Variants in MOB3A observed in about 807,000 individuals in gnomAD.
MOB3A encodes MOB kinase activator 3A.
Under a neutral mutation model 17.8 loss-of-function variants are expected in MOB3A, and 17 were observed. That is an observed-to-expected ratio of 0.95 (90% CI 0.65 to 1.43). The LOEUF is 1.43. Ranked by LOEUF, MOB3A falls within the 40% of genes most tolerant of loss-of-function variation. The pLI, the probability that MOB3A is intolerant of heterozygous loss-of-function variation, is 0.00. For missense variants in MOB3A, 333 were observed against 310.8 expected (o/e 1.07, Z -0.54); for synonymous variants, 124 against 133.2 (o/e 0.93, Z 0.48).
chr19:2,090,640 C>T (rs2017603120), intron 1 of MOB3A, among the ~76,000 whole-genome samples: 2 of 152,130 alleles, frequency 1.3e-5, no homozygotes, highest in Non-Finnish European at 2.9e-5. Context: ...TGAAATACGA[C>T]ATTAAACATA....
chr19:2,075,994 G>A (rs1467701854), intron 4 of MOB3A, among the ~76,000 whole-genome samples: 3 of 151,952 alleles, frequency 2.0e-5, no homozygotes, highest in Admixed American at 6.6e-5. Context: ...GTGGTGGCAC[G>A]TGCCTGTAAT....
chr19:2,078,279 GC>G lies in MOB3A; in HGVS notation c.281del (p.Gly94AlafsTer29). On this transcript the variant is annotated frameshift_variant, in exon 3 of 5. Transcript: ENST00000357066. LOFTEE classifies it high-confidence loss of function. ...CCTGCCAGCGGTACTCATACTTGGG[GC>G]CCCCCGACATGACGGGGCAGGACTG... is the stretch of plus-strand genomic sequence containing the variant. ...TEQSCPVMSG[G>X]PKYEYRWQDE... The G allele has an allele frequency of 3.1e-6, 5 of 1,614,090 alleles. No individual in the cohort carries two copies. Among genetic ancestry groups the G allele is most frequent in the Non-Finnish European group, 4.2e-6 (5 of 1,179,990 alleles).
chr19:2,088,448 C>T (rs959390954), intron 1 of MOB3A, among the ~76,000 whole-genome samples: 9 of 152,060 alleles, frequency 5.9e-5, no homozygotes, highest in Non-Finnish European at 1.0e-4. Context: ...GGACTCCTGG[C>T]GTGCGTCCAG....
At chr19:2,076,745 G>A (rs1377610420) in intron 4 of MOB3A, 66 bp downstream of exon 4, 5 of 1,535,306 alleles carry the variant, frequency 3.3e-6, no homozygotes, top group African/African-American at 2.7e-5. Flanking sequence ...GGCCCCGGAA[G>A]GGTTCCTCTG....
Position 2,082,913 on chromosome 19 carries a change from A to T in MOB3A, c.-120+2262T>A. On this transcript the variant is annotated intron_variant, in intron 2 of 4. Coordinates refer to ENST00000357066, the MANE Select transcript of MOB3A (RefSeq NM_130807.3). This position sits in a 1 kb window ranked among gnomAD's most constrained non-coding sequence, Gnocchi z 4.1. ...ACTTCAGCCTCGACCTCCTAGCTCA[A>T]GGGATCCTCCTGCCTCAGCCTCCTG... Among the ~76,000 whole-genome samples the T allele has an allele frequency of 6.6e-6, 1 of 152,178 alleles. No homozygotes were observed. Among genetic ancestry groups the T allele is most frequent in the East Asian group, 1.9e-4 (1 of 5,200 alleles).
intron 2 of MOB3A, among the ~76,000 whole-genome samples, chr19:2,083,092 C>G (rs181289827): frequency 6.6e-6 from 1 of 152,232 alleles, no homozygotes; most frequent in East Asian, 1.9e-4. Flanking sequence ...AGCGATCCAT[C>G]CGCCTTAGCC....
intron 1 of MOB3A, among the ~76,000 whole-genome samples, chr19:2,088,896 C>G (rs1453793673): frequency 6.6e-6 from 1 of 152,212 alleles, no homozygotes; most frequent in Non-Finnish European, 1.5e-5. Context: ...AGCCACGGAG[C>G]CTGGCTCTGT....
rs1052215638 is a variant in MOB3A at position 2,078,466 on chromosome 19, T to G, written c.95A>C (p.His32Pro). The G allele has an allele frequency of 6.2e-7, 1 of 1,612,586 alleles. No homozygotes were observed. Reference protein sequence around the residue: ...FEPGTQRFELHKKAQASLNAG... With the variant: ...FEPGTQRFELPKKAQASLNAG... The stretch of plus-strand genomic sequence containing the variant: ...GTTCAGCGACGCCTGCGCCTTCTTG[T>G]GCAGCTCGAAGCGCTGGGTGCCTGG... Residue 32 changes from histidine to proline, a missense_variant, in exon 3 of 5, where the codon CAC (histidine) becomes CCC (proline). Physicochemically the swap from His to Pro is moderately conservative, Grantham distance 77. Coordinates refer to ENST00000357066, the MANE Select transcript of MOB3A (RefSeq NM_130807.3).
In MOB3A at chr19:2,078,695, G is replaced by A. The variant is rs570999531; in HGVS notation, c.-119-16C>T. On this transcript the variant is annotated splice_polypyrimidine_tract_variant and intron_variant, in intron 2 of 4. Transcript: ENST00000357066. ...TCCCGCGGACCTGAAATACACAGGG[G>A]AATCATGACCTGCTGGAGGCGACAG... is the stretch of plus-strand genomic sequence containing the variant. 28 of 839,514 alleles carry A rather than the reference G, an allele frequency of 3.3e-5. No homozygotes were observed. The African/African-American group carries it at 3.9e-4, about 12-fold the overall frequency. 52.0% of individuals were successfully genotyped at this position (839,514 alleles called of 1,614,324 possible). A position where few individuals can be genotyped will look rare whatever the true frequency, so the allele number is the denominator to read the frequency against.
At position 2,083,015 on chromosome 19, in the gene MOB3A, T is replaced by G. The variant is rs556920604; in HGVS notation, c.-120+2160A>C. On this transcript the variant is annotated intron_variant, in intron 2 of 4. Transcript: ENST00000357066. ...CCACCAGTTAATTTTTTGTTGTTGTTGTTGTATTTTTTGTAGAGACGGGAG... is the reference window on the plus strand; with the variant it reads ...CCACCAGTTAATTTTTTGTTGTTGTGGTTGTATTTTTTGTAGAGACGGGAG... 5.9e-3 allele frequency among the ~76,000 whole-genome samples: 900 copies of G among 152,232 alleles called. 8 individuals carry two copies. Among genetic ancestry groups the G allele is most frequent in the African/African-American group, 0.021 (864 of 41,516 alleles).
intron 2 of MOB3A, among the ~76,000 whole-genome samples, chr19:2,083,741 G>A (rs991743650): frequency 4.6e-5 from 7 of 152,198 alleles, no homozygotes; most frequent in African/African-American, 1.7e-4. Flanking sequence ...CCACAGCCTG[G>A]TGCTGCCGTT....
intron 1 of MOB3A, among the ~76,000 whole-genome samples, chr19:2,090,804 C>T (rs2017605319): frequency 6.6e-6 from 1 of 152,112 alleles, no homozygotes; most frequent in Admixed American, 6.5e-5. Flanking sequence ...GCTGGGATTA[C>T]AGCTGCCTGC....
At chr19:2,078,035 C>T (rs1236744785) in intron 3 of MOB3A, 105 bp downstream of exon 3, 8 of 1,194,648 alleles carry the variant, frequency 6.7e-6, no homozygotes, top group East Asian at 5.3e-5. Context: ...TCCCTGGGCT[C>T]GGCCTCCCAA....
chr19:2,089,690 G>A (rs1412612324), intron 1 of MOB3A, among the ~76,000 whole-genome samples: 1 of 152,160 alleles, frequency 6.6e-6, no homozygotes, highest in Admixed American at 6.5e-5. Flanking sequence ...AGAATCCCAG[G>A]AGCTGAGGTC....
chr19:2,083,213 CCT>C (rs2017511766), intron 2 of MOB3A, among the ~76,000 whole-genome samples: 1 of 152,186 alleles, frequency 6.6e-6, no homozygotes, highest in African/African-American at 2.4e-5. Flanking sequence ...CTGGGAAGCC[CCT>C]GATTCAAAGA....
At position 2,078,581 on chromosome 19, in the gene MOB3A, T is replaced by G; in HGVS notation, c.-21A>C. The G allele has an allele frequency of 1.3e-6, 2 of 1,548,002 alleles. No individual in the cohort carries two copies. The highest frequency in any genetic ancestry group is 1.7e-6 in the Non-Finnish European group (2 of 1,143,892). On this transcript the variant is annotated 5_prime_UTR_variant, in exon 3 of 5. Coordinates refer to ENST00000357066, the MANE Select transcript of MOB3A (RefSeq NM_130807.3). ...GACATCTTGGTGACGCCTGCTCTCC[T>G]GGACTTCTGTAGAGGGGTCCTGGGC... is the stretch of plus-strand genomic sequence containing the variant.
intron 2 of MOB3A, among the ~76,000 whole-genome samples, chr19:2,081,749 T>A (rs2017492821): frequency 6.6e-6 from 1 of 151,940 alleles, no homozygotes; most frequent in African/African-American, 2.4e-5. Flanking sequence ...CCAGGCGTGA[T>A]GGTGCATGCC....
chr19:2,077,014 C>G lies in MOB3A; in HGVS notation c.422-1G>C. 2 of 1,612,370 alleles carry G rather than the reference C, an allele frequency of 1.2e-6. No homozygotes were observed. Among genetic ancestry groups the G allele is most frequent in the Non-Finnish European group, 1.7e-6 (2 of 1,179,564 alleles). ...AGGAAGTTCTTGGGAAACGGAGTGC[C>G]TGCAGGGAGAGGGGTGGGACGGGTC... On this transcript the variant is annotated splice_acceptor_variant, in intron 3 of 4. Coordinates refer to ENST00000357066, the MANE Select transcript of MOB3A (RefSeq NM_130807.3). LOFTEE classifies it high-confidence loss of function.
chr19:2,091,859 TG>T (rs1244786121), intron 1 of MOB3A, among the ~76,000 whole-genome samples: 3 of 148,990 alleles, frequency 2.0e-5, no homozygotes, highest in Non-Finnish European at 4.5e-5. Context: ...TAGCCAGGCG[TG>T]GTGGCGGGCG....
Sources: gnomAD v4.1 joint callset for allele counts (sites outside exome capture counted in the v4.1 genomes callset) on GRCh38, gnomAD v4.1.1 for gene constraint, Gnocchi (gnomAD v3.1) non-coding constraint, MANE v1.5 for transcripts, NCBI Gene and HGNC (gene_info 2026-07-23, HGNC 2026-07-21) for gene names.